The following RAD51B variants were observed in gnomAD, a reference collection of about 807,000 sequenced individuals.
RAD51B encodes DNA repair protein RAD51 homolog 2.
A neutral mutation model predicts 42.2 loss-of-function variants in RAD51B; 38 were observed. The observed-to-expected ratio is 0.90, with a 90% confidence interval of 0.70 to 1.18. RAD51B has a LOEUF of 1.18. RAD51B is among the 50% of genes most tolerant of loss of function. The pLI, the probability that RAD51B is intolerant of heterozygous loss-of-function variation, is 0.00. For synonymous variants in RAD51B, 154 were observed against 145.2 expected, an observed-to-expected ratio of 1.06 and a Z score of -0.43; for missense variants, 373 against 400.7, an observed-to-expected ratio of 0.93 and a Z score of 0.59.
At chr14:68,206,425 C>T (rs534306941) in intron 7 of RAD51B, among the ~76,000 whole-genome samples, 1 of 152,302 alleles carries the variant, frequency 6.6e-6, no homozygotes, top group Non-Finnish European at 1.5e-5. Flanking sequence ...ATAGTCCAAA[C>T]TTTATAAGAT....
intron 10 of RAD51B, among the ~76,000 whole-genome samples, chr14:68,619,461 CA>C (rs371609592): frequency 2.1e-4 from 26 of 123,704 alleles, no homozygotes; most frequent in African/African-American, 2.8e-4. Context: ...GACTCCATCT[CA>C]AAAAAAAAAA....
intron 7 of RAD51B, among the ~76,000 whole-genome samples, chr14:67,987,432 G>A (rs1189693848): frequency 6.6e-6 from 1 of 152,050 alleles, no homozygotes; most frequent in African/African-American, 2.4e-5. Context: ...CAAGTAAGAA[G>A]TTTTTCATTT....
intron 9 of RAD51B, among the ~76,000 whole-genome samples, chr14:68,462,776 G>A (rs936382745): frequency 6.6e-6 from 1 of 152,198 alleles, no homozygotes; most frequent in Non-Finnish European, 1.5e-5. Flanking sequence ...AGCCAAGCTG[G>A]TCTGATATGA....
chr14:68,518,557 C>CG (rs1253804906), intron 10 of RAD51B, among the ~76,000 whole-genome samples: 3 of 148,878 alleles, frequency 2.0e-5, no homozygotes, highest in East Asian at 4.0e-4. Flanking sequence ...CATATGAGCC[C>CG]CCCCCCCAGG....
chr14:67,879,469 G>A (rs1336699494), intron 5 of RAD51B, among the ~76,000 whole-genome samples: 1 of 151,762 alleles, frequency 6.6e-6, no homozygotes, highest in African/African-American at 2.4e-5. Flanking sequence ...AAGAGACAGG[G>A]CCTCGCTCTG....
At chr14:68,355,379 T>G (rs2082879116) in intron 8 of RAD51B, among the ~76,000 whole-genome samples, 1 of 152,254 alleles carries the variant, frequency 6.6e-6, no homozygotes, top group Non-Finnish European at 1.5e-5. Flanking sequence ...CTCCTCATTT[T>G]GTTACTGGCT....
intron 11 of RAD51B, among the ~76,000 whole-genome samples, chr14:68,679,417 G>C (rs998598151): frequency 1.3e-5 from 2 of 152,226 alleles, no homozygotes; most frequent in East Asian, 1.9e-4. Flanking sequence ...TCCCAGGGCA[G>C]CCATTTATGC....
At chr14:68,059,673 T>C (rs1234878346) in intron 7 of RAD51B, among the ~76,000 whole-genome samples, 1 of 152,222 alleles carries the variant, frequency 6.6e-6, no homozygotes, top group African/African-American at 2.4e-5. Context: ...TTTTTCTATA[T>C]GCGTCATAAT....
At chr14:68,303,474 A>G (rs1405464620) in intron 8 of RAD51B, among the ~76,000 whole-genome samples, 20 of 148,302 alleles carry the variant, frequency 1.3e-4, no homozygotes, top group Admixed American at 1.3e-3. Context: ...AAAAAAAAAA[A>G]AAGAAAAGAA....
At chr14:68,531,277 T>C (rs1311221307) in intron 10 of RAD51B, among the ~76,000 whole-genome samples, 2 of 152,126 alleles carry the variant, frequency 1.3e-5, no homozygotes, top group Non-Finnish European at 2.9e-5. Flanking sequence ...TGATGGTAAC[T>C]ACAATAAATG....
At chr14:68,536,633 C>T (rs966966052) in intron 10 of RAD51B, among the ~76,000 whole-genome samples, 5 of 152,180 alleles carry the variant, frequency 3.3e-5, no homozygotes, top group African/African-American at 9.7e-5. Context: ...TCTACCTCTA[C>T]AGCTTGAAGT....
chr14:68,125,331 T>C (rs2077734539), intron 7 of RAD51B: 1 of 152,214 alleles, frequency 6.6e-6, no homozygotes, highest in African/African-American at 2.4e-5. Flanking sequence ...ATACCTGTCA[T>C]TGTTGCCAGA....
chr14:68,350,619 A>G (rs1305277268), intron 8 of RAD51B, among the ~76,000 whole-genome samples: 3 of 152,244 alleles, frequency 2.0e-5, no homozygotes, highest in Non-Finnish European at 4.4e-5. Context: ...TTTGAAAATG[A>G]GACAGATGGA....
Position 68,590,336 on chromosome 14 carries a change from A to G in RAD51B, c.1037-4149A>G, listed in dbSNP as rs1375175277. Among the ~76,000 whole-genome samples, 4 of 152,172 alleles carry G rather than the reference A, an allele frequency of 2.6e-5. No individual in the cohort carries two copies. In the East Asian group the frequency reaches 7.7e-4, roughly 29 times the overall value. ...AGGGGGCCAAGTTGACAGCTGTTAA[A>G]AAAAAGAACCAGTTTTCCATGAGCA... On this transcript the variant is annotated intron_variant, in intron 10 of 10. Transcript: ENST00000487270.
intron 8 of RAD51B, among the ~76,000 whole-genome samples, chr14:68,330,184 C>A (rs996925983): frequency 5.3e-5 from 8 of 152,034 alleles, no homozygotes; most frequent in African/African-American, 1.7e-4. Context: ...TGTGCTTCTG[C>A]ATGTTCAGAG....
intron 9 of RAD51B, among the ~76,000 whole-genome samples, chr14:68,421,115 T>G: frequency 6.6e-6 from 1 of 152,304 alleles, no homozygotes; most frequent in South Asian, 2.1e-4. Context: ...GATGAGGAGC[T>G]TCTTCTTGCT....
At chr14:67,881,968 C>T (rs2042921044) in intron 5 of RAD51B, among the ~76,000 whole-genome samples, 1 of 152,022 alleles carries the variant, frequency 6.6e-6, no homozygotes, top group Admixed American at 6.6e-5. Flanking sequence ...GCTCTCTTCC[C>T]TTGACTTTTT....
chr14:68,449,893 T>C (rs138425890), intron 9 of RAD51B, among the ~76,000 whole-genome samples: 206 of 152,322 alleles, frequency 1.4e-3, no homozygotes, highest in African/African-American at 4.7e-3. Flanking sequence ...GGTCTGAATA[T>C]TGAAGAAAAC....
Position 68,155,471 on chromosome 14 carries a change from C to T in RAD51B, c.757-136413C>T, listed in dbSNP as rs191782640. ...CCTCCCAAAGTGCTGAGATTACAGG[C>T]ATGAGCCACCGCGCCCGGCCTATAT... On this transcript the variant is annotated intron_variant, in intron 7 of 10. Transcript: ENST00000471583. 7.5e-3 allele frequency among the ~76,000 whole-genome samples: 1,137 copies of T among 152,240 alleles called. 12 individuals carry two copies. Among genetic ancestry groups the T allele is most frequent in the African/African-American group, 0.022 (923 of 41,516 alleles).
Sources: allele counts gnomAD v4.1 joint callset (sites outside exome capture counted in the v4.1 genomes callset), GRCh38; gene constraint gnomAD v4.1.1; transcripts MANE v1.5; gene names NCBI Gene and HGNC (gene_info 2026-07-23, HGNC 2026-07-21).